MMUT: variants seen among roughly 807,000 people sequenced by gnomAD.
The protein encoded by MMUT is methylmalonyl-CoA mutase.
Under a neutral mutation model 79.9 loss-of-function variants are expected in MMUT, and 79 were observed. That is an observed-to-expected ratio of 0.99 (90% CI 0.82 to 1.19). The LOEUF (loss-of-function observed/expected upper bound fraction) is 1.19. MMUT is among the 50% of genes most tolerant of loss of function. The pLI is 0.00. For synonymous variants in MMUT, 273 were observed against 295.7 expected (o/e 0.92, Z 0.79); for missense variants, 860 against 917.2 (o/e 0.94, Z 0.81).
intron 1 of MMUT, among the ~76,000 whole-genome samples, chr6:49,462,709 A>C (rs1767885889): frequency 6.6e-6 from 1 of 152,196 alleles, no homozygotes; most frequent in African/African-American, 2.4e-5. Context: ...AAACCCTGAC[A>C]ATAACATAAC....
At chr6:49,440,466 T>A in intron 10 of MMUT, 113 bp from the exon 11 acceptor site, 2 of 1,145,122 alleles carry the variant, frequency 1.7e-6, no homozygotes, top group African/African-American at 3.1e-5. Context: ...AGCACCTAAT[T>A]TGTTTACTTG....
chr6:49,432,488 C>T (rs959604219), intron 12 of MMUT, among the ~76,000 whole-genome samples: 11 of 151,956 alleles, frequency 7.2e-5, no homozygotes, highest in African/African-American at 2.4e-4. Context: ...CCCGGGTTCA[C>T]GCCATTCTCC....
intron 12 of MMUT, among the ~76,000 whole-genome samples, chr6:49,433,792 A>C (rs1215968416): frequency 1.3e-5 from 2 of 152,234 alleles, no homozygotes; most frequent in African/African-American, 4.8e-5. Flanking sequence ...TTAATTGAAT[A>C]ATAGCAACAT....
At chr6:49,441,295 T>C (rs1311811447) in intron 10 of MMUT, among the ~76,000 whole-genome samples, 2 of 152,130 alleles carry the variant, frequency 1.3e-5, no homozygotes, top group South Asian at 2.1e-4. Flanking sequence ...AATGTATGCA[T>C]AGATGCCAAC....
chr6:49,449,018 ATAT>A, intron 6 of MMUT, 91 bp from the exon 7 acceptor site: 2 of 651,206 alleles, frequency 3.1e-6, no homozygotes, highest in Middle Eastern at 3.7e-4. Context: ...ATAATTACTA[ATAT>A]TAATAAAATT....
chr6:49,449,032 A>G (rs987161203), intron 6 of MMUT, 105 bp from the exon 7 acceptor site: 2 of 586,988 alleles, frequency 3.4e-6, no homozygotes, highest in Non-Finnish European at 5.8e-6. Flanking sequence ...TAATAAAATT[A>G]TAAACTAAAT....
chr6:49,436,794 A>G lies in MMUT; in HGVS notation c.1957-1171T>C, dbSNP rs968563588. Among the ~76,000 whole-genome samples the G allele has an allele frequency of 2.6e-5, 4 of 152,266 alleles. No individual in the cohort carries two copies. In the East Asian group the frequency reaches 7.7e-4, roughly 29 times the overall value. On this transcript the variant is annotated intron_variant, in intron 11 of 12. Transcript: ENST00000274813. ...GATCGTGTCCTTTGCAGGAACATGG[A>G]TGAAGCTGGAAGCCATTACCCTTAG...
In MMUT at chr6:49,441,871, C is replaced by G. The variant is rs148285323; in HGVS notation, c.1777G>C (p.Glu593Gln). The G allele has an allele frequency of 2.4e-5, 38 of 1,611,886 alleles. No individual in the cohort carries two copies. The African/African-American group carries it at 4.7e-4, about 20-fold the overall frequency. Residue 593 changes from glutamate (E) to glutamine (Q), a missense_variant, in exon 10 of 13, where the codon GAA (glutamate) becomes CAA (glutamine). By Grantham distance (29) the Glu-to-Gln change is conservative. Coordinates refer to ENST00000274813, the MANE Select transcript of MMUT (RefSeq NM_000255.4). ...ATAGCAGATGTTATCTCTTTACTTTCTCCAAATTCCTGGCGATATGCTCCA... is the reference window on the plus strand; with the variant it reads ...ATAGCAGATGTTATCTCTTTACTTTGTCCAAATTCCTGGCGATATGCTCCA... Reference protein sequence around the residue: ...VSGAYRQEFGESKEITSAIKR... With the variant: ...VSGAYRQEFGQSKEITSAIKR...
rs1212471384 is a variant in MMUT, at chr6:49,435,525, G to T, written c.2055C>A (p.Leu685=). 6 of 1,614,132 alleles carry T rather than the reference G, an allele frequency of 3.7e-6. No homozygotes were observed. In the South Asian group the frequency reaches 5.5e-5, roughly 15 times the overall value. ...GTCCAAGGGAGTTAAGTTCTTTGAT[G>T]AGTTCAGGAACTAGGGTTTTATGAC... The part of the protein sequence containing the change: ...AAGHKTLVPE[L]IKELNSLGRP... The change falls in exon 12 of 13, where the codon CTC becomes CTA. Residue 685 remains leucine (L), a synonymous_variant. Coordinates refer to ENST00000274813, the MANE Select transcript of MMUT (RefSeq NM_000255.4).
intron 5 of MMUT, among the ~76,000 whole-genome samples, chr6:49,452,043 C>G (rs989620218): frequency 6.6e-6 from 1 of 152,158 alleles, no homozygotes; most frequent in Non-Finnish European, 1.5e-5. Context: ...TCATAATTCA[C>G]TCTTTGCTGA....
At position 49,448,837 on chromosome 6, in the gene MMUT, T is replaced by C; in HGVS notation, c.1423A>G (p.Arg475Gly). 4.3e-6 allele frequency: 7 copies of C among 1,613,346 alleles called. No homozygotes were observed. The highest frequency in any genetic ancestry group is 5.9e-6 in the Non-Finnish European group (7 of 1,179,412). The change falls in exon 7 of 13, where the codon AGA (arginine) becomes GGA (glycine). Residue 475 changes from arginine (R) to glycine (G), a missense_variant. Physicochemically the swap from Arg to Gly is moderately radical, Grantham distance 125 (BLOSUM62 -2). Coordinates refer to ENST00000274813, the MANE Select transcript of MMUT (RefSeq NM_000255.4). Reference sequence around the variant, plus strand: ...TTACCAGAATCTATTCTAGCTTGTCTTCGGGCAGCACATTCTTCAATTCGA... The same window carrying C: ...TTACCAGAATCTATTCTAGCTTGTCCTCGGGCAGCACATTCTTCAATTCGA... Reference protein sequence around the residue: ...KLRIEECAARRQARIDSGSEV... With the variant: ...KLRIEECAARGQARIDSGSEV...
chr6:49,447,143 A>T (rs1767429402), intron 8 of MMUT, among the ~76,000 whole-genome samples: 1 of 151,982 alleles, frequency 6.6e-6, no homozygotes, highest in Non-Finnish European at 1.5e-5. Context: ...AAATAAATAA[A>T]GTTTATTGTA....
At chr6:49,451,767 C>T in intron 5 of MMUT, 53 bp from the exon 6 acceptor site, 2 of 1,542,864 alleles carry the variant, frequency 1.3e-6, no homozygotes, top group Non-Finnish European at 1.8e-6. Flanking sequence ...ATAGATATTG[C>T]AACTATAAAC....
At chr6:49,437,383 A>C (rs947778903) in intron 11 of MMUT, among the ~76,000 whole-genome samples, 1 of 152,172 alleles carries the variant, frequency 6.6e-6, no homozygotes, top group African/African-American at 2.4e-5. Flanking sequence ...TAGCCACACA[A>C]TTATACAGTA....
chr6:49,457,058 G>A (rs1460238236), intron 3 of MMUT, among the ~76,000 whole-genome samples: 1 of 152,208 alleles, frequency 6.6e-6, no homozygotes, highest in Admixed American at 6.5e-5. Flanking sequence ...AAGATAAAAA[G>A]GGTTGATGAC....
intron 1 of MMUT, among the ~76,000 whole-genome samples, chr6:49,462,082 T>G (rs975182850): frequency 2.0e-5 from 3 of 152,158 alleles, no homozygotes; most frequent in Non-Finnish European, 4.4e-5. Flanking sequence ...ACATGTGAAT[T>G]GGTGGAGGCT....
At chr6:49,444,799 A>C (rs1256937135) in intron 8 of MMUT, 45 bp from the exon 9 acceptor site, 2 of 1,474,250 alleles carry the variant, frequency 1.4e-6, no homozygotes, top group Non-Finnish European at 1.9e-6. Context: ...TGAAGAGAGA[A>C]TAAAACAGAG....
chr6:49,457,631 T>C (rs1311686643), intron 3 of MMUT, 60 bp downstream of exon 3: 2 of 1,410,686 alleles, frequency 1.4e-6, no homozygotes, highest in South Asian at 1.3e-5. Context: ...TTATAGCATG[T>C]TGTAAAAATT....
intron 11 of MMUT, among the ~76,000 whole-genome samples, chr6:49,439,999 T>C (rs756157696): frequency 1.3e-5 from 2 of 152,252 alleles, no homozygotes; most frequent in African/African-American, 2.4e-5. Flanking sequence ...TAAAGGTATA[T>C]TGCTGGCCTT....
Sources: gnomAD v4.1 joint callset for allele counts (sites outside exome capture counted in the v4.1 genomes callset) on GRCh38, gnomAD v4.1.1 for gene constraint, MANE v1.5 for transcripts, NCBI Gene and HGNC (gene_info 2026-07-23, HGNC 2026-07-21) for gene names.